The following OC90 variants were observed in gnomAD, a reference collection of about 807,000 sequenced individuals.
OC90 encodes the protein otoconin-90.
A neutral mutation model predicts 47.3 loss-of-function variants in OC90; 46 were observed. The ratio of observed to expected loss-of-function variants is 0.97; its 90% CI spans 0.77 to 1.24. The LOEUF is 1.24. Ranked by LOEUF, OC90 falls within the 50% of genes most tolerant of loss-of-function variation. The probability of loss-of-function intolerance (pLI) is 0.00; values close to 1 mark genes in which losing one functional copy is unlikely to be tolerated. For missense variants in OC90, 688 were observed against 583.9 expected, an observed-to-expected ratio of 1.18 and a Z score of -1.84; for synonymous variants, 271 against 219.5, an observed-to-expected ratio of 1.23 and a Z score of -2.07.
chr8:132,058,960 C>A (rs1316943588), intron 1 of OC90, among the ~76,000 whole-genome samples: 1 of 152,072 alleles, frequency 6.6e-6, no homozygotes, highest in Admixed American at 6.6e-5. Context: ...CTCAGACAGC[C>A]CTGAGAGCAT....
intron 1 of OC90, among the ~76,000 whole-genome samples, chr8:132,056,975 G>T (rs1278514454): frequency 2.0e-5 from 3 of 152,162 alleles, no homozygotes; most frequent in Admixed American, 1.3e-4. Context: ...GAGGTTTAGA[G>T]CCTGGCAAAT....
chr8:132,037,353 T>G, intron 9 of OC90, 85 bp downstream of exon 9: 288 of 1,110,496 alleles, frequency 2.6e-4, no homozygotes, highest in Non-Finnish European at 3.3e-4. Flanking sequence ...TGAGTTCTTG[T>G]GAGATCTGGT....
intron 9 of OC90, 71 bp downstream of exon 9, chr8:132,037,367 T>C: frequency 7.8e-7 from 1 of 1,284,266 alleles, no homozygotes. Flanking sequence ...ATCTGGTTGT[T>C]TAAACGTGTA....
intron 4 of OC90, 76 bp downstream of exon 4, chr8:132,044,357 C>A: frequency 1.2e-6 from 1 of 817,816 alleles, no homozygotes; most frequent in South Asian, 1.5e-5. Context: ...GAGACCAAGG[C>A]CCTTGCAATT....
Position 132,039,006 on chromosome 8 carries a change from G to A in OC90, c.575C>T (p.Ala192Val), listed in dbSNP as rs757022720. 1 of 1,613,976 alleles carries A rather than the reference G, an allele frequency of 6.2e-7. No homozygotes were observed. Among genetic ancestry groups the A allele is most frequent in the Admixed American group, 1.7e-5 (1 of 60,026 alleles). The change falls in exon 7 of 14, where the codon GCT (alanine) becomes GTT (valine). Residue 192 changes from alanine (A) to valine (V), a missense_variant. Physicochemically the swap from Ala to Val is moderately conservative, Grantham distance 64. Coordinates refer to ENST00000254627, the MANE Select transcript of OC90 (RefSeq NM_001080399.3). The part of the protein sequence containing the change: ...LNLLDTSFCL[A>V]QTPETTIKED... ...CAGGTTCTTCCTACCTGGAGTCTGA[G>A]CCAGGCAGAAGGAGGTGTCCAGAAG...
intron 1 of OC90, among the ~76,000 whole-genome samples, chr8:132,058,817 C>T (rs1460596623): frequency 2.0e-5 from 3 of 152,102 alleles, no homozygotes; most frequent in Non-Finnish European, 4.4e-5. Flanking sequence ...ATGTAGGATC[C>T]TCACTAATGT....
chr8:132,025,005 G>T (rs1293494952), intron 13 of OC90, among the ~76,000 whole-genome samples: 1 of 152,238 alleles, frequency 6.6e-6, no homozygotes, highest in African/African-American at 2.4e-5. Flanking sequence ...TCAAGACTAG[G>T]CTGGCTTCCC....
chr8:132,052,908 T>G (rs570487874), intron 2 of OC90, among the ~76,000 whole-genome samples: 1 of 150,792 alleles, frequency 6.6e-6, no homozygotes, highest in East Asian at 2.1e-4. Context: ...ATAAAGCTTT[T>G]TCTCACCCGG....
chr8:132,032,606 C>A (rs997840421), intron 11 of OC90, among the ~76,000 whole-genome samples: 1 of 152,236 alleles, frequency 6.6e-6, no homozygotes, highest in Non-Finnish European at 1.5e-5. Context: ...CAGATACTAA[C>A]AAAGCCCCTC....
chr8:132,042,244 T>C lies in OC90; in HGVS notation c.170-545A>G, dbSNP rs192720293. Among the ~76,000 whole-genome samples, 509 of 152,268 alleles carry C rather than the reference T, an allele frequency of 3.3e-3. 2 individuals carry two copies. Among genetic ancestry groups the C allele is most frequent in the Middle Eastern group, 0.014 (4 of 294 alleles). ...CAAGTCTAAAGTTGAAAAAACAATA[T>C]GTTCAGGGTAGCAGTGGAGCAAGAT... On this transcript the variant is annotated intron_variant, in intron 4 of 13. Coordinates refer to ENST00000254627, the MANE Select transcript of OC90 (RefSeq NM_001080399.3).
chr8:132,046,764 G>A (rs913233116), intron 2 of OC90, among the ~76,000 whole-genome samples: 4 of 152,202 alleles, frequency 2.6e-5, no homozygotes, highest in African/African-American at 9.7e-5. Flanking sequence ...GGAGAGTTAT[G>A]GAGTCAGCAC....
At chr8:132,056,742 G>T (rs1823284158) in intron 1 of OC90, among the ~76,000 whole-genome samples, 1 of 152,194 alleles carries the variant, frequency 6.6e-6, no homozygotes. Flanking sequence ...GGAAAGTCTT[G>T]TGGTTAGCAG....
At chr8:132,052,412 G>T (rs1277546523) in intron 2 of OC90, among the ~76,000 whole-genome samples, 2 of 152,194 alleles carry the variant, frequency 1.3e-5, no homozygotes, top group Non-Finnish European at 2.9e-5. Flanking sequence ...AAATTTGCCT[G>T]TTCCTTGGCA....
In OC90 at chr8:132,034,949, C is replaced by A. The variant is rs115032398; in HGVS notation, c.680-115G>T. The A allele has an allele frequency of 1.0e-3, 699 of 687,264 alleles. 8 individuals carry two copies. The African/African-American group carries it at 0.011, about 11-fold the overall frequency. 42.6% of individuals were successfully genotyped at this position (687,264 alleles called of 1,614,324 possible). On this transcript the variant is annotated intron_variant, in intron 9 of 13. Transcript: ENST00000254627. Reference sequence around the variant, plus strand: ...GGCAGCCATGTGCTCTTCACTCTGCCCCTGGCCCACTTCCCACCATGAGAT... The same window carrying A: ...GGCAGCCATGTGCTCTTCACTCTGCACCTGGCCCACTTCCCACCATGAGAT...
intron 13 of OC90, 141 bp downstream of exon 13, chr8:132,028,932 A>AGGAAG: frequency 1.8e-6 from 1 of 553,882 alleles, no homozygotes; most frequent in East Asian, 3.1e-5. Context: ...AAGGAAGGGA[A>AGGAAG]GGAAGGAAGG....
intron 2 of OC90, among the ~76,000 whole-genome samples, chr8:132,053,327 T>G (rs1029478713): frequency 7.2e-5 from 11 of 152,198 alleles, no homozygotes; most frequent in African/African-American, 2.4e-4. Flanking sequence ...ATGTATGTAA[T>G]ATATTGATAT....
intron 12 of OC90, among the ~76,000 whole-genome samples, chr8:132,029,533 A>G (rs1035878024): frequency 6.6e-6 from 1 of 152,220 alleles, no homozygotes; most frequent in East Asian, 1.9e-4. Context: ...AGGAAGGGGT[A>G]CCCTTTTAAA....
chr8:132,028,702 G>GAA (rs1207296590), intron 13 of OC90, among the ~76,000 whole-genome samples: 4,164 of 62,788 alleles, frequency 0.066, 264 homozygotes, highest in African/African-American at 0.2. Flanking sequence ...GAAAGAAAGA[G>GAA]AGACAGAAAG....
At chr8:132,040,917 T>C in intron 6 of OC90, 127 bp downstream of exon 6, 2 of 669,452 alleles carry the variant, frequency 3.0e-6, no homozygotes, top group Non-Finnish European at 5.4e-6. Context: ...CTCTAAGTGC[T>C]GCCAACGATG....
Sources: gnomAD v4.1 joint callset for allele counts (sites outside exome capture counted in the v4.1 genomes callset) on GRCh38, gnomAD v4.1.1 for gene constraint, MANE v1.5 for transcripts, NCBI Gene and HGNC (gene_info 2026-07-23, HGNC 2026-07-21) for gene names.